RYR2: variants seen among roughly 807,000 people sequenced by gnomAD.
RYR2 encodes ryanodine receptor 2.
Under a neutral mutation model 601.1 loss-of-function variants are expected in RYR2, and 227 were observed. That is an observed-to-expected ratio of 0.38 (90% CI 0.34 to 0.42). The LOEUF is 0.42. RYR2 is among the 10% of genes least tolerant of loss of function. The pLI is 1.00. For synonymous variants in RYR2, 2,223 were observed against 2,175.1 expected (o/e 1.02, Z -0.61); for missense variants, 4,646 against 6,156.5 (o/e 0.75, Z 8.21).
chr1:237,638,513 GTCTTT>G, intron 45 of RYR2, 21 bp downstream of exon 45: 2 of 1,612,104 alleles, frequency 1.2e-6, no homozygotes, highest in Non-Finnish European at 1.7e-6. Flanking sequence ...ATTTCTTGAG[GTCTTT>G]TGAGTTATCA....
At chr1:237,457,230 C>T (rs1162998389) in intron 16 of RYR2, among the ~76,000 whole-genome samples, 1 of 152,122 alleles carries the variant, frequency 6.6e-6, no homozygotes, top group Non-Finnish European at 1.5e-5. Flanking sequence ...ACATTCCCAT[C>T]TAATCAATGA....
At chr1:237,750,579 T>C (rs924142525) in intron 80 of RYR2, among the ~76,000 whole-genome samples, 2 of 151,052 alleles carry the variant, frequency 1.3e-5, no homozygotes, top group Non-Finnish European at 3.0e-5. Flanking sequence ...GTATGTAATA[T>C]ATAAAACATT....
intron 80 of RYR2, among the ~76,000 whole-genome samples, chr1:237,749,433 C>CTATTATTATTAT (rs3036582): frequency 1.3e-5 from 2 of 150,070 alleles, no homozygotes; most frequent in East Asian, 2.0e-4. Context: ...TAAATATTTG[C>CTATTATTATTAT]TATTATTATT....
intron 1 of RYR2, among the ~76,000 whole-genome samples, chr1:237,158,991 G>A (rs1174722359): frequency 6.6e-6 from 1 of 152,234 alleles, no homozygotes; most frequent in Admixed American, 6.5e-5. Context: ...ACTGGTGTTA[G>A]AAAGTTATGA....
chr1:237,478,153 C>T (rs1661613868), intron 17 of RYR2, among the ~76,000 whole-genome samples: 1 of 152,196 alleles, frequency 6.6e-6, no homozygotes, highest in African/African-American at 2.4e-5. Context: ...AAGACTGACT[C>T]ATCAGAAATG....
At chr1:237,170,426 C>T (rs1323088515) in intron 1 of RYR2, among the ~76,000 whole-genome samples, 2 of 152,116 alleles carry the variant, frequency 1.3e-5, no homozygotes, top group Admixed American at 6.5e-5. Flanking sequence ...AGGACTTGAA[C>T]GATGATAACA....
intron 1 of RYR2, among the ~76,000 whole-genome samples, chr1:237,194,771 T>G (rs1019890500): frequency 1.3e-5 from 2 of 152,180 alleles, no homozygotes; most frequent in African/African-American, 4.8e-5. Flanking sequence ...GCCAGGAGTT[T>G]GAAGAGGTTT....
chr1:237,632,677 T>C (rs1249264827), intron 42 of RYR2, among the ~76,000 whole-genome samples: 1 of 152,134 alleles, frequency 6.6e-6, no homozygotes, highest in Non-Finnish European at 1.5e-5. Flanking sequence ...ATTACAGGCG[T>C]GAGCCACCAC....
At chr1:237,556,227 G>A (rs1670857198) in intron 27 of RYR2, among the ~76,000 whole-genome samples, 1 of 151,034 alleles carries the variant, frequency 6.6e-6, no homozygotes, top group African/African-American at 2.4e-5. Flanking sequence ...TAAAACATAT[G>A]CTCCACTTCA....
rs751766467 is a variant in RYR2 at position 237,659,965 on chromosome 1, A to G, written c.8209-20A>G. On this transcript the variant is annotated intron_variant, in intron 54 of 104. Transcript: ENST00000366574. ...AATTAACACGTGTAAAACAATTTTTAATGTTTGCCTTTTTTTAAGTTGGCA... is the reference window on the plus strand; with the variant it reads ...AATTAACACGTGTAAAACAATTTTTGATGTTTGCCTTTTTTTAAGTTGGCA... 1 of 1,525,232 alleles carries G rather than the reference A, an allele frequency of 6.6e-7. No individual in the cohort carries two copies. Among genetic ancestry groups the G allele is most frequent in the Non-Finnish European group, 8.9e-7 (1 of 1,122,124 alleles). 94.5% of individuals were successfully genotyped at this position (1,525,232 alleles called of 1,614,324 possible). A position where few individuals can be genotyped will look rare whatever the true frequency, so the allele number is the denominator to read the frequency against.
intron 1 of RYR2, among the ~76,000 whole-genome samples, chr1:237,137,567 T>C (rs1394554111): frequency 1.3e-5 from 2 of 152,354 alleles, no homozygotes; most frequent in African/African-American, 4.8e-5. Flanking sequence ...TAGCAAATGA[T>C]GTTTCTCGAA....
intron 41 of RYR2, among the ~76,000 whole-genome samples, 186 bp downstream of exon 41, chr1:237,628,266 A>G (rs553984489): frequency 1.7e-4 from 26 of 151,880 alleles, no homozygotes; most frequent in African/African-American, 6.0e-4. Context: ...CATGTGCACA[A>G]TGTGCAGGTT....
intron 98 of RYR2, among the ~76,000 whole-genome samples, chr1:237,805,575 T>TTTTTTTTTTTTTTTTTTTTGAGACAGA (rs1558456088): frequency 9.7e-6 from 1 of 103,412 alleles, no homozygotes; most frequent in African/African-American, 4.5e-5. Flanking sequence ...AGCTAGACTC[T>TTTTTTTTTTTTTTTTTTTTGAGACAGA]GTCTCAAAAA....
At chr1:237,396,901 G>GA (rs1702904320) in intron 10 of RYR2, among the ~76,000 whole-genome samples, 1 of 151,534 alleles carries the variant, frequency 6.6e-6, no homozygotes, top group African/African-American at 2.4e-5. Context: ...AGTTTTAAGG[G>GA]AAAAAAAATC....
At chr1:237,428,533 T>A (rs539059166) in intron 12 of RYR2, among the ~76,000 whole-genome samples, 1 of 150,384 alleles carries the variant, frequency 6.6e-6, no homozygotes, top group South Asian at 2.1e-4. Flanking sequence ...CACTCATAAG[T>A]GGGAGTTGAA....
At chr1:237,384,214 A>G (rs1701791371) in intron 8 of RYR2, among the ~76,000 whole-genome samples, 1 of 152,314 alleles carries the variant, frequency 6.6e-6, no homozygotes, top group Non-Finnish European at 1.5e-5. Context: ...AAATTTTCAT[A>G]TGCTTATGGT....
chr1:237,725,718 C>T (rs1284129867), intron 74 of RYR2, among the ~76,000 whole-genome samples: 1 of 152,016 alleles, frequency 6.6e-6, no homozygotes, highest in East Asian at 1.9e-4. Context: ...TCAGGTATTT[C>T]CTGAAATACT....
chr1:237,344,775 G>T (rs1698148186), intron 3 of RYR2, among the ~76,000 whole-genome samples: 1 of 152,042 alleles, frequency 6.6e-6, no homozygotes, highest in Non-Finnish European at 1.5e-5. Flanking sequence ...ACATTGTCTT[G>T]ATTACTAGTA....
At chr1:237,568,231 T>C (rs959645252) in intron 28 of RYR2, among the ~76,000 whole-genome samples, 1 of 152,196 alleles carries the variant, frequency 6.6e-6, no homozygotes, top group Non-Finnish European at 1.5e-5. Flanking sequence ...TTTATGCCTT[T>C]TGATACCTGA....
Sources: allele counts gnomAD v4.1 joint callset (sites outside exome capture counted in the v4.1 genomes callset), GRCh38; gene constraint gnomAD v4.1.1; transcripts MANE v1.5; gene names NCBI Gene and HGNC (gene_info 2026-07-23, HGNC 2026-07-21).